Variants in PM20D2 observed in about 807,000 individuals in gnomAD.
PM20D2 encodes xaa-Arg dipeptidase.
Under a neutral mutation model 42.9 loss-of-function variants are expected in PM20D2, and 33 were observed. The ratio of observed to expected loss-of-function variants is 0.77; its 90% CI spans 0.58 to 1.03. The LOEUF is 1.03. Among genes scored for constraint, PM20D2 ranks in the 50% least tolerant of loss-of-function variants. PM20D2 has a pLI of 0.00. For synonymous variants in PM20D2, 250 were observed against 228.2 expected (o/e 1.10, Z -0.86); for missense variants, 548 against 557.0 (o/e 0.98, Z 0.16).
chr6:89,105,729 G>C, the PM20D2 span: 1 of 348,870 alleles, frequency 2.9e-6, no homozygotes. Flanking sequence ...GTTTAGAAGA[G>C]TGAGTCTAAA....
the PM20D2 span, among the ~76,000 whole-genome samples, chr6:89,102,901 A>C: frequency 1.3e-5 from 2 of 152,112 alleles, no homozygotes; most frequent in Admixed American, 6.6e-5. Context: ...CAGTAGCTGG[A>C]ACAGGTGTGT....
chr6:89,149,594 A>G (rs1211819173), intron 2 of PM20D2, among the ~76,000 whole-genome samples, 181 bp downstream of exon 2: 1 of 152,214 alleles, frequency 6.6e-6, no homozygotes, highest in Non-Finnish European at 1.5e-5. Context: ...GAGATTCATT[A>G]TGGTGTTCAT....
chr6:89,163,797 A>G lies in PM20D2; in HGVS notation c.*1534A>G, dbSNP rs1053045491. 3 of 152,174 alleles carry G rather than the reference A, an allele frequency of 2.0e-5. No individual in the cohort carries two copies. Among genetic ancestry groups the G allele is most frequent in the Admixed American group, 6.6e-5 (1 of 15,266 alleles). 9.4% of individuals were successfully genotyped at this position (152,174 alleles called of 1,614,324 possible). On this transcript the variant is annotated 3_prime_UTR_variant, in exon 7 of 7. Coordinates refer to ENST00000275072, the MANE Select transcript of PM20D2 (RefSeq NM_001010853.3). The stretch of plus-strand genomic sequence containing the variant: ...TGGAACATTTTTATTACATGCCTTT[A>G]TAATTTTTCATTGTTCACACCCTGT...
the PM20D2 span, chr6:89,118,019 C>T: frequency 1.1e-6 from 1 of 920,250 alleles, no homozygotes. Flanking sequence ...TCAGCCCCGC[C>T]AGCGCGCAGC....
the PM20D2 span, among the ~76,000 whole-genome samples, chr6:89,100,381 C>G: frequency 6.6e-6 from 1 of 152,108 alleles, no homozygotes; most frequent in Non-Finnish European, 1.5e-5. Flanking sequence ...CCAAAACAAG[C>G]AGCTTTAACA....
Position 89,146,351 on chromosome 6 carries a change from G to A in PM20D2, c.207G>A (p.Glu69=). 1.9e-6 allele frequency: 3 copies of A among 1,554,766 alleles called. No homozygotes were observed. The highest frequency in any genetic ancestry group is 1.2e-5 in the South Asian group (1 of 85,616). ...HRVLTHFFER[E]PPAASWAVQP... is the part of the protein sequence containing the mutation. ...TGCTGACGCACTTCTTCGAGCGGGAGCCGCCCGCGGCCTCCTGGGCAGTGC... is the reference window on the plus strand; with the variant it reads ...TGCTGACGCACTTCTTCGAGCGGGAACCGCCCGCGGCCTCCTGGGCAGTGC... The change falls in exon 1 of 7, where the codon GAG becomes GAA. Residue 69 remains glutamate (E), a synonymous_variant. Coordinates refer to ENST00000275072, the MANE Select transcript of PM20D2 (RefSeq NM_001010853.3).
upstream of PM20D2, among the ~76,000 whole-genome samples, chr6:89,141,364 A>AT (rs1770287571): frequency 6.6e-6 from 1 of 151,994 alleles, no homozygotes; most frequent in African/African-American, 2.4e-5. Flanking sequence ...TTTATTTTTA[A>AT]TTTTTTAAAT....
chr6:89,118,531 G>A, the PM20D2 span, among the ~76,000 whole-genome samples: 1 of 152,132 alleles, frequency 6.6e-6, no homozygotes, highest in African/African-American at 2.4e-5. Flanking sequence ...TGTTGCCCAG[G>A]TGGTCTCAAA....
chr6:89,116,798 A>C, the PM20D2 span, among the ~76,000 whole-genome samples: 5 of 151,952 alleles, frequency 3.3e-5, no homozygotes, highest in East Asian at 1.9e-4. Flanking sequence ...AAACTAAAAA[A>C]TAAAAAATAC....
chr6:89,133,312 T>A, the PM20D2 span, among the ~76,000 whole-genome samples: 12 of 151,194 alleles, frequency 7.9e-5, no homozygotes, highest in African/African-American at 2.7e-4. Context: ...GATAAAACTT[T>A]AGCTGTTTTA....
the PM20D2 span, chr6:89,098,467 A>C: frequency 7.4e-7 from 1 of 1,358,490 alleles, no homozygotes; most frequent in Non-Finnish European, 9.8e-7. Flanking sequence ...ATATGCCCAA[A>C]GTAACTAATA....
chr6:89,119,592 T>C, the PM20D2 span, among the ~76,000 whole-genome samples: 1 of 152,218 alleles, frequency 6.6e-6, no homozygotes, highest in Non-Finnish European at 1.5e-5. Flanking sequence ...CACCACAGAT[T>C]TGGTGGCCCG....
At chr6:89,124,513 G>C in the PM20D2 span, among the ~76,000 whole-genome samples, 1 of 151,992 alleles carries the variant, frequency 6.6e-6, no homozygotes, top group Non-Finnish European at 1.5e-5. Context: ...TTAGTTCTCT[G>C]GCGGGGAGTA....
At chr6:89,100,680 G>C in the PM20D2 span, among the ~76,000 whole-genome samples, 2 of 152,066 alleles carry the variant, frequency 1.3e-5, no homozygotes, top group East Asian at 3.8e-4. Flanking sequence ...AGACAAAACA[G>C]ATAAAAAGAT....
At position 89,164,985 on chromosome 6, in the gene PM20D2, G is replaced by C. The variant is rs1562268559; in HGVS notation, c.*2722G>C. ...TTGCATGCCCCAGAAAGCTTGTGGT[G>C]GGTGGTAAGTTCTCACGAGATTTAT... On this transcript the variant is annotated 3_prime_UTR_variant, in exon 7 of 7. Transcript: ENST00000275072. 1 of 151,676 alleles carries C rather than the reference G, an allele frequency of 6.6e-6. No homozygotes were observed. The highest frequency in any genetic ancestry group is 1.5e-5 in the Non-Finnish European group (1 of 67,868). 9.4% of individuals were successfully genotyped at this position (151,676 alleles called of 1,614,324 possible).
Position 89,163,337 on chromosome 6 carries a change from T to C in PM20D2, c.*1074T>C, listed in dbSNP as rs75749611. The stretch of plus-strand genomic sequence containing the variant: ...GGTACACATAAGAAAACCTCTTTTT[T>C]AAAAAAATTTTTATTTTTTTACATA... On this transcript the variant is annotated 3_prime_UTR_variant, in exon 7 of 7. Coordinates refer to ENST00000275072, the MANE Select transcript of PM20D2 (RefSeq NM_001010853.3). 6.6e-6 allele frequency: 1 copy of C among 152,226 alleles called. No homozygotes were observed. Among genetic ancestry groups the C allele is most frequent in the South Asian group, 2.1e-4 (1 of 4,820 alleles). The allele number at this position is 152,226 out of a possible 1,614,324, so 9.4% of individuals were successfully genotyped here.
At chr6:89,129,372 C>T in the PM20D2 span, among the ~76,000 whole-genome samples, 1 of 152,112 alleles carries the variant, frequency 6.6e-6, no homozygotes, top group African/African-American at 2.4e-5. Flanking sequence ...CAATCCTAGC[C>T]CTCTGGGAGG....
chr6:89,113,037 T>C, the PM20D2 span, among the ~76,000 whole-genome samples: 1 of 152,250 alleles, frequency 6.6e-6, no homozygotes, highest in South Asian at 2.1e-4. Flanking sequence ...TACTGTGTAG[T>C]AGGTTTGGGT....
At chr6:89,105,761 A>G in the PM20D2 span, 1 of 271,064 alleles carries the variant, frequency 3.7e-6, no homozygotes, top group Admixed American at 5.1e-5. Flanking sequence ...CAAAACAAAC[A>G]TGTAACTGTA....
Sources: allele counts gnomAD v4.1 joint callset (sites outside exome capture counted in the v4.1 genomes callset), GRCh38; gene constraint gnomAD v4.1.1; transcripts MANE v1.5; gene names NCBI Gene and HGNC (gene_info 2026-07-23, HGNC 2026-07-21).